TRIM37: variants seen among roughly 807,000 people sequenced by gnomAD.
TRIM37 encodes the protein E3 ubiquitin-protein ligase TRIM37.
TRIM37 carries 80 observed loss-of-function variants against 129.8 expected under a neutral mutation model. The observed-to-expected ratio is 0.62, with a 90% CI of 0.51 to 0.74. The LOEUF is 0.74. Among genes scored for constraint, TRIM37 ranks in the 30% least tolerant of loss-of-function variants. The pLI, the probability that TRIM37 is intolerant of heterozygous loss-of-function variation, is 0.00. For synonymous variants in TRIM37, 389 were observed against 387.1 expected, an observed-to-expected ratio of 1.00 and a Z score of -0.06; for missense variants, 1,054 against 1,176.5, an observed-to-expected ratio of 0.90 and a Z score of 1.52.
intron 19 of TRIM37, 45 bp downstream of exon 19, chr17:59,028,370 C>T (rs1215846414): frequency 6.3e-7 from 1 of 1,576,934 alleles, no homozygotes; most frequent in African/African-American, 1.3e-5. Context: ...CATCTAGTTT[C>T]CCAAATAACG....
the TRIM37 span, chr17:58,969,456 G>C: frequency 1.5e-6 from 2 of 1,308,370 alleles, no homozygotes; most frequent in Non-Finnish European, 2.2e-6. Context: ...GAGAAAGGAT[G>C]GGCAACAATG....
chr17:59,080,572 C>T (rs1432461366), intron 6 of TRIM37, among the ~76,000 whole-genome samples: 1 of 152,298 alleles, frequency 6.6e-6, no homozygotes, highest in Admixed American at 6.5e-5. Context: ...GCAGGTGGAT[C>T]ACGACGTCAG....
Position 59,049,300 on chromosome 17 carries a change from T to C in TRIM37, c.1408A>G (p.Thr470Ala). Reference sequence around the variant, plus strand: ...GAGCATGCAGACTTCTTAGCTCGTGTCTCCAGAGCATCATCATTTTGGGGG... The same window carrying C: ...GAGCATGCAGACTTCTTAGCTCGTGCCTCCAGAGCATCATCATTTTGGGGG... ...LSPQNDDALETRAKKSACSDM... is the reference protein window; with the variant it reads ...LSPQNDDALEARAKKSACSDM... The change falls in exon 15 of 24, where the codon ACA (threonine) becomes GCA (alanine). Residue 470 changes from threonine (T) to alanine (A), a missense_variant. Thr to Ala is a moderately conservative substitution (Grantham distance 58). Transcript: ENST00000262294. 6.2e-7 allele frequency: 1 copy of C among 1,614,166 alleles called. No homozygotes were observed. Among genetic ancestry groups the C allele is most frequent in the South Asian group, 1.1e-5 (1 of 91,082 alleles).
intron 2 of TRIM37, among the ~76,000 whole-genome samples, chr17:59,098,746 T>C (rs2045162811): frequency 6.7e-6 from 1 of 149,318 alleles, no homozygotes; most frequent in Middle Eastern, 3.5e-3. Flanking sequence ...CAGAATACCA[T>C]ATGACCCAGC....
chr17:58,980,512 CCA>C, downstream of TRIM37: 1 of 1,614,102 alleles, frequency 6.2e-7, no homozygotes, highest in Non-Finnish European at 8.5e-7. This position sits in a 1 kb window ranked among gnomAD's most constrained non-coding sequence, Gnocchi z 4.7. Flanking sequence ...CTCACAGTGC[CCA>C]GTTTTTGCTA....
chr17:59,015,841 T>C (rs1189335306), intron 20 of TRIM37, 42 bp from the exon 21 acceptor site: 3 of 1,597,988 alleles, frequency 1.9e-6, no homozygotes, highest in Non-Finnish European at 2.6e-6. Context: ...TAGCTGGGCA[T>C]GGTGGTGTGC....
chr17:58,973,138 C>T, the TRIM37 span, among the ~76,000 whole-genome samples: 8 of 152,162 alleles, frequency 5.3e-5, no homozygotes, highest in Admixed American at 5.2e-4. Flanking sequence ...AAGAGAACTG[C>T]CAGGCTCAGT....
chr17:59,078,621 A>G lies in TRIM37; in HGVS notation c.616+1133T>C, dbSNP rs1314054043. Among the ~76,000 whole-genome samples, 3 of 152,372 alleles carry G rather than the reference A, an allele frequency of 2.0e-5. No individual in the cohort carries two copies. The East Asian group carries it at 5.8e-4, about 29-fold the overall frequency. ...TCTACATGGCTTAATGAACTTAAAGAGATCTCAAATATTATCTAGAGTTCT... is the reference window on the plus strand; with the variant it reads ...TCTACATGGCTTAATGAACTTAAAGGGATCTCAAATATTATCTAGAGTTCT... On this transcript the variant is annotated intron_variant, in intron 7 of 23. Transcript: ENST00000262294.
At chr17:58,997,516 C>G (rs1252590200), downstream of TRIM37, among the ~76,000 whole-genome samples, 1 of 152,006 alleles carries the variant, frequency 6.6e-6, no homozygotes, top group Non-Finnish European at 1.5e-5. Context: ...TCATCTACCT[C>G]AAAGGTTACT....
chr17:59,079,464 A>G (rs2043083032), intron 7 of TRIM37, among the ~76,000 whole-genome samples: 1 of 152,180 alleles, frequency 6.6e-6, no homozygotes, highest in Non-Finnish European at 1.5e-5. Context: ...AGTAGAAGGA[A>G]TTCTGTTAGA....
intron 24 of TRIM37, chr17:58,984,109 T>C (rs924016351): frequency 2.0e-5 from 3 of 152,652 alleles, no homozygotes; most frequent in Non-Finnish European, 2.9e-5. Context: ...TACCTAGAAG[T>C]GCCATCCATT....
intron 21 of TRIM37, among the ~76,000 whole-genome samples, chr17:59,013,359 G>A (rs962567267): frequency 2.0e-5 from 3 of 152,100 alleles, no homozygotes; most frequent in African/African-American, 7.2e-5. Context: ...TGATGGCCAG[G>A]CTGGCTCGAA....
chr17:59,056,601 G>C (rs1355091073), intron 13 of TRIM37, among the ~76,000 whole-genome samples: 1 of 150,604 alleles, frequency 6.6e-6, no homozygotes, highest in East Asian at 2.0e-4. Flanking sequence ...GTGGTGGCGG[G>C]CGCCTGTAGT....
intron 9 of TRIM37, among the ~76,000 whole-genome samples, chr17:59,065,607 T>A (rs902515670): frequency 6.6e-6 from 1 of 152,228 alleles, no homozygotes; most frequent in Non-Finnish European, 1.5e-5. Context: ...TAAAACACTA[T>A]ACTATGAAAA....
intron 19 of TRIM37, among the ~76,000 whole-genome samples, chr17:59,024,074 C>T (rs1598961445): frequency 6.6e-6 from 1 of 151,670 alleles, no homozygotes; most frequent in African/African-American, 2.4e-5. Flanking sequence ...ACTAGCCGGG[C>T]GTGGTGGCAT....
chr17:59,018,711 ATAG>A (rs1393836083), intron 19 of TRIM37, among the ~76,000 whole-genome samples: 2 of 152,050 alleles, frequency 1.3e-5, no homozygotes, highest in Non-Finnish European at 2.9e-5. Context: ...TTCTAAAATA[ATAG>A]TAGCTGTGTT....
chr17:58,982,374 T>A (rs1237416462), downstream of TRIM37: 1 of 152,268 alleles, frequency 6.6e-6, no homozygotes, highest in Non-Finnish European at 1.5e-5. Flanking sequence ...TCTCTAAGAG[T>A]CACGAATGTC....
chr17:58,982,862 C>G (rs2031443155), exon 25 of TRIM37: 6 of 1,542,604 alleles, frequency 3.9e-6, no homozygotes, highest in Non-Finnish European at 5.3e-6. Context: ...TATCTGTCAC[C>G]TTCTGAAGCC....
intron 10 of TRIM37, among the ~76,000 whole-genome samples, chr17:59,063,761 C>A (rs1453146720): frequency 6.6e-6 from 1 of 152,222 alleles, no homozygotes; most frequent in Non-Finnish European, 1.5e-5. Context: ...CTTCCCAGCA[C>A]TTTTATTTCT....
Sources: gnomAD v4.1 joint callset for allele counts (sites outside exome capture counted in the v4.1 genomes callset) on GRCh38, gnomAD v4.1.1 for gene constraint, Gnocchi (gnomAD v3.1) non-coding constraint, MANE v1.5 for transcripts, NCBI Gene and HGNC (gene_info 2026-07-23, HGNC 2026-07-21) for gene names.